The following PRRC2C variants were observed in gnomAD, a reference collection of about 807,000 sequenced individuals.
The protein encoded by PRRC2C is proline rich coiled-coil 2C, also known as protein PRRC2C.
Under a neutral mutation model 317.2 loss-of-function variants are expected in PRRC2C, and 72 were observed. That is an observed-to-expected ratio of 0.23 (90% confidence interval 0.19 to 0.28). The LOEUF is 0.28. Among genes scored for constraint, PRRC2C ranks in the 10% least tolerant of loss-of-function variants. The pLI, the probability that PRRC2C is intolerant of heterozygous loss-of-function variation, is 1.00. For missense variants in PRRC2C, 3,074 were observed against 3,459.7 expected (o/e 0.89, Z 2.80); for synonymous variants, 1,296 against 1,205.9 (o/e 1.07, Z -1.55).
chr1:171,506,667 A>T (rs1670291976), intron 1 of PRRC2C, among the ~76,000 whole-genome samples: 1 of 136,304 alleles, frequency 7.3e-6, no homozygotes, highest in Non-Finnish European at 1.6e-5. Context: ...TGATGGCTTC[A>T]GATTCACTAT....
rs1671680601 is a variant in PRRC2C, at chr1:171,513,145, C to T, written c.263C>T (p.Ser88Leu). 6.2e-7 allele frequency: 1 copy of T among 1,612,204 alleles called. No individual in the cohort carries two copies. Among genetic ancestry groups the T allele is most frequent in the African/African-American group, 1.3e-5 (1 of 74,852 alleles). ...IVPKDGTGWA[S>L]KQEQHEEEKT... ...CCTAAAGATGGCACAGGGTGGGCAT[C>T]AAAACAAGAGCAACATGAAGAAGAA... The change falls in exon 3 of 35, where the codon TCA becomes TTA. Residue 88 changes from serine to leucine, a missense_variant. By Grantham distance (145) the Ser-to-Leu change is moderately radical. Transcript: ENST00000647382.
chr1:171,503,252 G>A (rs1348868752), intron 1 of PRRC2C, among the ~76,000 whole-genome samples: 11 of 152,176 alleles, frequency 7.2e-5, no homozygotes, highest in Admixed American at 5.9e-4. Context: ...GGCCGGGTGT[G>A]GTGGCTCACA....
intron 18 of PRRC2C, among the ~76,000 whole-genome samples, chr1:171,556,736 A>G (rs182351725): frequency 2.3e-4 from 35 of 152,344 alleles, no homozygotes; most frequent in East Asian, 1.9e-3. Flanking sequence ...ATCTATTGTA[A>G]TTTATATTAG....
Position 171,541,594 on chromosome 1 carries a change from G to T in PRRC2C, c.4128G>T (p.Gln1376His). 2 of 1,613,856 alleles carry T rather than the reference G, an allele frequency of 1.2e-6. No individual in the cohort carries two copies. Among genetic ancestry groups the T allele is most frequent in the South Asian group, 2.2e-5 (2 of 91,086 alleles). Reference sequence around the variant, plus strand: ...GAAGACCAGCTTATCGGGACAATCAGTGGAACCCAAGGCAGTCAGAAGTTC... The same window carrying T: ...GAAGACCAGCTTATCGGGACAATCATTGGAACCCAAGGCAGTCAGAAGTTC... ...TLRRPAYRDN[Q>H]WNPRQSEVPK... The change falls in exon 16 of 35, where the codon CAG becomes CAT. Residue 1376 changes from glutamine (Q) to histidine (H), a missense_variant. Gln to His is a conservative substitution (Grantham distance 24). Around this residue, in one of 11 missense-constraint regions of PRRC2C, gnomAD observed 1,320 missense variants for 1,395.7 expected, o/e 0.95. Transcript: ENST00000647382. The surrounding 1 kb of genome is among the most constrained non-coding windows in gnomAD (Gnocchi z 4.1).
chr1:171,537,415 C>G lies in PRRC2C; in HGVS notation c.2446C>G (p.His816Asp). The change falls in exon 15 of 35, where the codon CAT (histidine) becomes GAT (aspartate). Residue 816 changes from histidine to aspartate, a missense_variant. Physicochemically the swap from His to Asp is moderately conservative, Grantham distance 81 (BLOSUM62 -1). This residue lies in a region of PRRC2C where 1,320 missense variants were observed against 1,395.7 expected (regional missense o/e 0.95). Coordinates refer to ENST00000647382, the MANE Select transcript of PRRC2C (RefSeq NM_001387844.1). ...RMLWGSDPYP[H>D]AEPQQATTPK... ...GCTGTGGGGGTCAGATCCCTATCCT[C>G]ATGCTGAGCCTCAACAAGCAACTAC... is the stretch of plus-strand genomic sequence containing the variant. 1 of 1,588,632 alleles carries G rather than the reference C, an allele frequency of 6.3e-7. No homozygotes were observed. The highest frequency in any genetic ancestry group is 8.6e-7 in the Non-Finnish European group (1 of 1,166,620).
Position 171,591,668 on chromosome 1 carries a change from A to G in PRRC2C, c.8518A>G (p.Lys2840Glu), listed in dbSNP as rs1651471507. Residue 2840 changes from lysine (K) to glutamate (E), a missense_variant, in exon 35 of 35, where the codon AAA becomes GAA. By Grantham distance (56) the Lys-to-Glu change is moderately conservative. Around this residue, in one of 11 missense-constraint regions of PRRC2C, gnomAD observed 78 missense variants for 97.7 expected, o/e 0.80. Transcript: ENST00000647382. ...ACAGAGCAAACAGATAGGAGGAGGC[A>G]AAGCCCAGAAAGTGGACAGTGATTC... ...QQQSKQIGGG[K>E]AQKVDSDSSK... The G allele has an allele frequency of 6.2e-7, 1 of 1,613,852 alleles. No homozygotes were observed. The highest frequency in any genetic ancestry group is 8.5e-7 in the Non-Finnish European group (1 of 1,179,886).
chr1:171,486,990 T>G (rs1315628098), intron 1 of PRRC2C, among the ~76,000 whole-genome samples: 2 of 152,230 alleles, frequency 1.3e-5, no homozygotes, highest in Admixed American at 6.5e-5. Flanking sequence ...TAGGAATAAA[T>G]TGAACTTGAA....
chr1:171,496,008 C>T (rs1287730701), intron 1 of PRRC2C, among the ~76,000 whole-genome samples: 1 of 151,962 alleles, frequency 6.6e-6, no homozygotes, highest in African/African-American at 2.4e-5. Flanking sequence ...TCTGGTATCT[C>T]TTTTTATAAG....
At chr1:171,500,881 T>G (rs958927594) in intron 1 of PRRC2C, among the ~76,000 whole-genome samples, 12 of 152,244 alleles carry the variant, frequency 7.9e-5, no homozygotes, top group Admixed American at 3.9e-4. Context: ...ATATGGAAAA[T>G]GCAGATGCAC....
chr1:171,494,140 G>GCAAT (rs1667690599), intron 1 of PRRC2C, among the ~76,000 whole-genome samples: 1 of 152,170 alleles, frequency 6.6e-6, no homozygotes, highest in Non-Finnish European at 1.5e-5. Flanking sequence ...GAATGCCCTG[G>GCAAT]CAATCACCTC....
At chr1:171,530,124 G>A (rs993097887) in intron 11 of PRRC2C, among the ~76,000 whole-genome samples, 1 of 151,640 alleles carries the variant, frequency 6.6e-6, no homozygotes, top group African/African-American at 2.4e-5. Flanking sequence ...CCTTGGCCAC[G>A]AATTAGAAAG....
chr1:171,516,147 T>G (rs991707297), intron 5 of PRRC2C, among the ~76,000 whole-genome samples: 5 of 152,212 alleles, frequency 3.3e-5, no homozygotes, highest in African/African-American at 1.2e-4. Flanking sequence ...TTTGGATTTT[T>G]TTATACTAGT....
chr1:171,551,453 C>T (rs1034492429), intron 18 of PRRC2C, among the ~76,000 whole-genome samples: 5 of 152,184 alleles, frequency 3.3e-5, no homozygotes, highest in Non-Finnish European at 2.9e-5. Flanking sequence ...TGTGCAGAAG[C>T]TCTTTAGTTT....
Position 171,575,114 on chromosome 1 carries a change from C to T in PRRC2C, c.6941C>T (p.Thr2314Ile), listed in dbSNP as rs1169645032. ...ATTCCTGTTGCTTCAGTCACTCCTA[C>T]AGCATCACTATCAGGTAGAACTTTT... ...PQIPVASVTP[T>I]ASLSGAGTYT... The change falls in exon 25 of 35, where the codon ACA (threonine) becomes ATA (isoleucine). Residue 2314 changes from threonine (T) to isoleucine (I), a missense_variant. Thr to Ile is a moderately conservative substitution (Grantham distance 89, BLOSUM62 -1). This residue lies in a region of PRRC2C where 490 missense variants were observed against 663.1 expected (regional missense o/e 0.74). Transcript: ENST00000647382. 6 of 1,613,238 alleles carry T rather than the reference C, an allele frequency of 3.7e-6. No individual in the cohort carries two copies. Among genetic ancestry groups the T allele is most frequent in the South Asian group, 1.1e-5 (1 of 91,018 alleles).
rs756016817 is a variant in PRRC2C, at chr1:171,536,313, C to CA, written c.2293+39dup. On this transcript the variant is annotated intron_variant, in intron 14 of 34. Coordinates refer to ENST00000647382, the MANE Select transcript of PRRC2C (RefSeq NM_001387844.1). ...ATTTGCATTTATAGTTTTACAGGAT[C>CA]AAAATTTTTTTTTCCCTGCTTTTAG... is the stretch of plus-strand genomic sequence containing the variant. 6 of 1,585,338 alleles carry CA rather than the reference C, an allele frequency of 3.8e-6. No homozygotes were observed. The South Asian group carries it at 4.6e-5, about 12-fold the overall frequency.
At chr1:171,574,856 T>TA in intron 24 of PRRC2C, 71 bp from the exon 25 acceptor site, 1 of 1,348,464 alleles carries the variant, frequency 7.4e-7, no homozygotes, top group African/African-American at 1.5e-5. Context: ...TAAATACTGA[T>TA]ACATGTATAT....
rs554397060 is a variant in PRRC2C at position 171,556,083 on chromosome 1, G to C, written c.5128-1157G>C. On this transcript the variant is annotated intron_variant, in intron 18 of 34. Coordinates refer to ENST00000647382, the MANE Select transcript of PRRC2C (RefSeq NM_001387844.1). ...ATTGAACTGCGGTGGGCTCCCCGCA[G>C]TTCAAGCTTCCCAGTTGCTTTGTTT... is the stretch of plus-strand genomic sequence containing the variant. 5.3e-5 allele frequency among the ~76,000 whole-genome samples: 8 copies of C among 152,254 alleles called. No homozygotes were observed. The South Asian group carries it at 1.7e-3, about 32-fold the overall frequency.
intron 31 of PRRC2C, 30 bp from the exon 32 acceptor site, chr1:171,587,618 A>G (rs1236212787): frequency 6.9e-7 from 1 of 1,453,536 alleles, no homozygotes. Context: ...AATTAAAGAA[A>G]TGTTAAGTTT....
chr1:171,494,173 C>T (rs150096690), intron 1 of PRRC2C, among the ~76,000 whole-genome samples: 1 of 152,202 alleles, frequency 6.6e-6, no homozygotes, highest in African/African-American at 2.4e-5. Context: ...GTAGACAGAA[C>T]AGCTGTACTT....
Sources: allele counts gnomAD v4.1 joint callset (sites outside exome capture counted in the v4.1 genomes callset), GRCh38; gene constraint gnomAD v4.1.1; regional missense constraint gnomAD v4.1.1; non-coding constraint Gnocchi (gnomAD v3.1); transcripts MANE v1.5; gene names NCBI Gene and HGNC (gene_info 2026-07-23, HGNC 2026-07-21).